P2RX5: variants seen among roughly 807,000 people sequenced by gnomAD.
The protein encoded by P2RX5 is purinergic receptor P2X 5, also known as P2X purinoceptor 5.
A neutral mutation model predicts 54.1 loss-of-function variants in P2RX5; 46 were observed. The ratio of observed to expected loss-of-function variants is 0.85; its 90% CI spans 0.67 to 1.09. The LOEUF is 1.09. Among genes scored for constraint, P2RX5 ranks in the 50% least tolerant of loss-of-function variants. The pLI, the probability that P2RX5 is intolerant of heterozygous loss-of-function variation, is 0.00. For synonymous variants in P2RX5, 226 were observed against 226.4 expected, an observed-to-expected ratio of 1.00 and a Z score of 0.02; for missense variants, 566 against 549.8, an observed-to-expected ratio of 1.03 and a Z score of -0.29.
the P2RX5 span, chr17:3,720,589 T>G: frequency 2.3e-6 from 1 of 429,618 alleles, no homozygotes; most frequent in South Asian, 3.1e-5. Context: ...ACTTCCTTTT[T>G]TTTTTTTTTT....
At position 3,683,729 on chromosome 17, in the gene P2RX5, C is replaced by CAA. The variant is rs59622313; in HGVS notation, c.982-1753_982-1752dup. Among the ~76,000 whole-genome samples, 329 of 58,544 alleles carry CAA rather than the reference C, an allele frequency of 5.6e-3. 5 individuals carry two copies. The highest frequency in any genetic ancestry group is 0.016 in the African/African-American group (296 of 18,046). 38.4% of individuals were successfully genotyped at this position (58,544 alleles called of 152,430 possible). A position where few individuals can be genotyped will look rare whatever the true frequency, so the allele number is the denominator to read the frequency against. ...TGGGCGACAGAGTGAGACTCCGTCT[C>CAA]AAAAAAAAAAAAAAAAAAAGAAAAG... On this transcript the variant is annotated intron_variant, in intron 9 of 11. Transcript: ENST00000225328.
At chr17:3,711,140 A>T in the P2RX5 span, among the ~76,000 whole-genome samples, 4 of 152,142 alleles carry the variant, frequency 2.6e-5, no homozygotes, top group African/African-American at 4.8e-5. Context: ...AGCTTGTAGA[A>T]GAAAGACCGG....
chr17:3,693,601 G>A (rs2050677318), intron 1 of P2RX5, among the ~76,000 whole-genome samples: 1 of 152,134 alleles, frequency 6.6e-6, no homozygotes, highest in Non-Finnish European at 1.5e-5. Context: ...AGCCAGGCAT[G>A]GTGGCCCATG....
At chr17:3,680,660 CCCTGCAGGCCACCACCCTGCTTCCTCCAT>C (rs2050242241) in intron 10 of P2RX5, among the ~76,000 whole-genome samples, 1 of 104,612 alleles carries the variant, frequency 9.6e-6, no homozygotes, top group Non-Finnish European at 1.9e-5. Context: ...GGGTCCTCCA[CCCTGCAGGCCACCACCCTGCTTCCTCCAT>C]CCTGGGTCCT....
At chr17:3,710,207 A>C in the P2RX5 span, among the ~76,000 whole-genome samples, 1 of 151,912 alleles carries the variant, frequency 6.6e-6, no homozygotes, top group Non-Finnish European at 1.5e-5. Context: ...TGAGCGGATC[A>C]CTTGAAGTCG....
chr17:3,723,383 G>C, the P2RX5 span: 1 of 1,608,344 alleles, frequency 6.2e-7, no homozygotes, highest in Non-Finnish European at 8.5e-7. Flanking sequence ...TCTTCCACAT[G>C]CTGGAAAAGC....
chr17:3,712,126 A>C, the P2RX5 span, among the ~76,000 whole-genome samples: 1 of 152,214 alleles, frequency 6.6e-6, no homozygotes, highest in Non-Finnish European at 1.5e-5. Flanking sequence ...GCACAACAGG[A>C]AAATAAGTAA....
upstream of P2RX5, among the ~76,000 whole-genome samples, chr17:3,699,913 GGAAGGAAAGAAAGAAAGAAA>G (rs1408944304): frequency 1.1e-3 from 47 of 42,868 alleles, no homozygotes; most frequent in African/African-American, 2.2e-3. Flanking sequence ...AAGGAAGGAA[GGAAGGAAAGAAAGAAAGAAA>G]GAAAGAAAGA....
At chr17:3,689,899 CACACATGCACACAG>C (rs1258551270) in intron 6 of P2RX5, among the ~76,000 whole-genome samples, 157 bp downstream of exon 6, 1 of 152,148 alleles carries the variant, frequency 6.6e-6, no homozygotes, top group Non-Finnish European at 1.5e-5. Context: ...CAAACGCACG[CACACATGCACACAG>C]ACACATGCAC....
chr17:3,696,478 G>A (rs2050761479), upstream of P2RX5: 1 of 152,130 alleles, frequency 6.6e-6, no homozygotes, highest in Non-Finnish European at 1.5e-5. Flanking sequence ...TTTTTGAGAC[G>A]GAGCCTCGCT....
At chr17:3,699,926 GAAAGAAAGAAAGAA>G (rs2050806494), upstream of P2RX5, among the ~76,000 whole-genome samples, 3 of 65,416 alleles carry the variant, frequency 4.6e-5, no homozygotes, top group African/African-American at 1.3e-4. Flanking sequence ...AGGAAAGAAA[GAAAGAAAGAAAGAA>G]AGAAAGAAAG....
the P2RX5 span, among the ~76,000 whole-genome samples, chr17:3,722,914 G>A: frequency 3.3e-5 from 5 of 152,244 alleles, no homozygotes; most frequent in African/African-American, 9.6e-5. Context: ...AGGCAAGAAA[G>A]GCAGGCCGAA....
upstream of P2RX5, among the ~76,000 whole-genome samples, chr17:3,699,284 G>C (rs186296979): frequency 1.7e-3 from 255 of 152,010 alleles, no homozygotes; most frequent in African/African-American, 5.9e-3. Flanking sequence ...GGTCCCAGCT[G>C]CTTGGGAGGC....
intron 9 of P2RX5, among the ~76,000 whole-genome samples, chr17:3,685,816 G>A (rs537216789): frequency 6.8e-5 from 1 of 14,772 alleles, no homozygotes; most frequent in African/African-American, 9.9e-5. Flanking sequence ...AACACACAGC[G>A]GGGCCCCCAG....
chr17:3,678,919 C>T (rs1325495178), intron 11 of P2RX5, among the ~76,000 whole-genome samples: 2 of 152,222 alleles, frequency 1.3e-5, no homozygotes, highest in African/African-American at 4.8e-5. Flanking sequence ...CCCAGCCAGA[C>T]GCCCTCCCCA....
chr17:3,708,079 A>C, the P2RX5 span, among the ~76,000 whole-genome samples: 15 of 144,926 alleles, frequency 1.0e-4, no homozygotes, highest in Non-Finnish European at 2.3e-4. Flanking sequence ...AAAAAAAAAA[A>C]ACACCAGGAA....
the P2RX5 span, among the ~76,000 whole-genome samples, chr17:3,712,762 G>C: frequency 6.6e-6 from 1 of 152,092 alleles, no homozygotes. Flanking sequence ...GCCTAACATG[G>C]TGAAACCCCA....
intron 11 of P2RX5, chr17:3,675,764 G>A (rs12952004): frequency 6.6e-6 from 5 of 755,788 alleles, no homozygotes; most frequent in Non-Finnish European, 8.1e-6. Context: ...TATTGGCCAG[G>A]CTGGTCTCGA....
intron 11 of P2RX5, among the ~76,000 whole-genome samples, chr17:3,678,334 C>T (rs2050150957): frequency 6.6e-6 from 1 of 152,248 alleles, no homozygotes; most frequent in Non-Finnish European, 1.5e-5. Flanking sequence ...GGAGTTGCCC[C>T]GGCAAGGAGT....
Sources: gnomAD v4.1 joint callset for allele counts (sites outside exome capture counted in the v4.1 genomes callset) on GRCh38, gnomAD v4.1.1 for gene constraint, MANE v1.5 for transcripts, NCBI Gene and HGNC (gene_info 2026-07-23, HGNC 2026-07-21) for gene names.